Variants in EPB41L3 observed in about 807,000 individuals in gnomAD.
EPB41L3 encodes band 4.1-like protein 3.
A neutral mutation model predicts 127.1 loss-of-function variants in EPB41L3; 57 were observed. The ratio of observed to expected loss-of-function variants is 0.45; its 90% CI spans 0.36 to 0.56. EPB41L3 has a LOEUF of 0.56. EPB41L3 is among the 20% of genes least tolerant of loss of function. The pLI is 0.00. For synonymous variants in EPB41L3, 572 were observed against 549.5 expected, an observed-to-expected ratio of 1.04 and a Z score of -0.57; for missense variants, 1,273 against 1,372.2, an observed-to-expected ratio of 0.93 and a Z score of 1.14.
chr18:5,505,283 G>A (rs1383337288), intron 1 of EPB41L3, among the ~76,000 whole-genome samples: 2 of 152,066 alleles, frequency 1.3e-5, no homozygotes, highest in Non-Finnish European at 2.9e-5. Context: ...AGAGTCTGAC[G>A]CCAAAGAAAA....
intron 1 of EPB41L3, among the ~76,000 whole-genome samples, chr18:5,628,010 C>A (rs557052087): frequency 2.0e-5 from 3 of 152,188 alleles, no homozygotes; most frequent in Non-Finnish European, 4.4e-5. Context: ...AAGACGGAGA[C>A]TCCCAAGGTC....
upstream of EPB41L3, chr18:5,630,585 C>T: frequency 2.0e-6 from 1 of 503,042 alleles, no homozygotes; most frequent in South Asian, 1.4e-5. Context: ...CTGGAAGGGG[C>T]CGCCAGACCC....
In EPB41L3 at chr18:5,408,335, G is replaced by A. The variant is rs549502423; in HGVS notation, c.2122-599C>T. Among the ~76,000 whole-genome samples the A allele has an allele frequency of 4.0e-5, 6 of 148,484 alleles. 1 individual carries two copies. In the South Asian group the frequency reaches 8.5e-4, roughly 21 times the overall value. On this transcript the variant is annotated intron_variant, in intron 14 of 22. Coordinates refer to ENST00000341928, the MANE Select transcript of EPB41L3 (RefSeq NM_012307.5). ...GTTGTCCAGGCTGGAGTGCAATGGCGTGATCTCGGCTCACTGCAACCTCCA... is the reference window on the plus strand; with the variant it reads ...GTTGTCCAGGCTGGAGTGCAATGGCATGATCTCGGCTCACTGCAACCTCCA...
intron 1 of EPB41L3, among the ~76,000 whole-genome samples, chr18:5,515,140 C>A (rs2092700256): frequency 6.6e-6 from 1 of 152,148 alleles, no homozygotes; most frequent in Non-Finnish European, 1.5e-5. Flanking sequence ...GTGCCCACAG[C>A]AAACAGCTGT....
At chr18:5,476,289 T>C (rs1012923750) in intron 3 of EPB41L3, among the ~76,000 whole-genome samples, 44 of 152,278 alleles carry the variant, frequency 2.9e-4, no homozygotes, top group African/African-American at 9.4e-4. Context: ...CAGAAAAAAG[T>C]TGCTCTTAAG....
In EPB41L3 at chr18:5,543,656, G is replaced by C. The variant is rs1251268005; in HGVS notation, c.-12+257C>G. 6.8e-6 allele frequency among the ~76,000 whole-genome samples: 1 copy of C among 146,960 alleles called. No homozygotes were observed. Among genetic ancestry groups the C allele is most frequent in the Non-Finnish European group, 1.5e-5 (1 of 66,030 alleles). On this transcript the variant is annotated intron_variant, in intron 1 of 22. Coordinates refer to ENST00000341928, the MANE Select transcript of EPB41L3 (RefSeq NM_012307.5). The surrounding 1 kb of genome is among the most constrained non-coding windows in gnomAD (Gnocchi z 5.2). The stretch of plus-strand genomic sequence containing the variant: ...TCTGCGCGCCGGCCCAGCCACTACT[G>C]CGCCGCGGCGGGCGGAGCGGGCGGG...
At chr18:5,462,341 T>C (rs1236419166) in intron 3 of EPB41L3, among the ~76,000 whole-genome samples, 1 of 152,164 alleles carries the variant, frequency 6.6e-6, no homozygotes, top group African/African-American at 2.4e-5. Context: ...AAAGGAGAAC[T>C]GGCAATGAAC....
At chr18:5,526,937 T>G (rs1330193900) in intron 1 of EPB41L3, among the ~76,000 whole-genome samples, 1 of 151,104 alleles carries the variant, frequency 6.6e-6, no homozygotes, top group Admixed American at 6.6e-5. Context: ...TTCCCAGCAC[T>G]GAATAGAGAC....
intron 3 of EPB41L3, among the ~76,000 whole-genome samples, chr18:5,549,781 C>A: frequency 6.6e-6 from 1 of 152,070 alleles, no homozygotes; most frequent in East Asian, 1.9e-4. Flanking sequence ...GGCGACCAGT[C>A]CATACCAAAA....
chr18:5,424,597 G>A (rs1471228406), intron 9 of EPB41L3, among the ~76,000 whole-genome samples: 1 of 152,176 alleles, frequency 6.6e-6, no homozygotes, highest in Admixed American at 6.5e-5. Context: ...TTCTGAATAA[G>A]TGTGTATCTT....
chr18:5,406,755 G>T, intron 16 of EPB41L3, 22 bp downstream of exon 16: 1 of 1,602,290 alleles, frequency 6.2e-7, no homozygotes, highest in South Asian at 1.1e-5. Flanking sequence ...ATACGAGTCT[G>T]ACCACAAACC....
rs117196351 is a variant in EPB41L3, at chr18:5,468,592, G to A, written c.381+9649C>T. On this transcript the variant is annotated intron_variant, in intron 3 of 22. Transcript: ENST00000341928. ...GCACACTCGACAGGATGACCGGCCT[G>A]CAGACAGGAGCTACCCACTCCAGGA... Among the ~76,000 whole-genome samples the A allele has an allele frequency of 4.9e-3, 741 of 152,322 alleles. 2 individuals are homozygous for A. Among genetic ancestry groups the A allele is most frequent in the Non-Finnish European group, 8.0e-3 (545 of 68,030 alleles).
At chr18:5,530,969 C>A (rs78226868) in intron 1 of EPB41L3, among the ~76,000 whole-genome samples, 2 of 152,200 alleles carry the variant, frequency 1.3e-5, no homozygotes. Context: ...GTTAGGCAGA[C>A]GGACGGAGGC....
chr18:5,596,082 C>T (rs1324217145), intron 3 of EPB41L3, among the ~76,000 whole-genome samples: 5 of 152,274 alleles, frequency 3.3e-5, no homozygotes, highest in African/African-American at 9.6e-5. Flanking sequence ...ATGGAATGAG[C>T]CACCTCACAT....
intron 3 of EPB41L3, among the ~76,000 whole-genome samples, chr18:5,598,910 G>A (rs570645420): frequency 4.8e-4 from 73 of 152,254 alleles, no homozygotes; most frequent in African/African-American, 1.7e-3. Context: ...TTGAGGACAC[G>A]GACAGCATCA....
At chr18:5,523,989 A>T (rs941992565) in intron 1 of EPB41L3, among the ~76,000 whole-genome samples, 2 of 152,126 alleles carry the variant, frequency 1.3e-5, no homozygotes, top group Non-Finnish European at 1.5e-5. Context: ...TTATATATAC[A>T]TATATATGTG....
At chr18:5,522,817 T>C (rs2093049994) in intron 1 of EPB41L3, among the ~76,000 whole-genome samples, 1 of 152,234 alleles carries the variant, frequency 6.6e-6, no homozygotes, top group Non-Finnish European at 1.5e-5. Flanking sequence ...TTTTTAATTG[T>C]ACTACAATGC....
chr18:5,400,106 G>C (rs977846812), intron 16 of EPB41L3: 5 of 157,606 alleles, frequency 3.2e-5, no homozygotes, highest in African/African-American at 1.2e-4. Context: ...GCCTCCCCAG[G>C]AGCTGGGACT....
intron 16 of EPB41L3, chr18:5,401,000 T>A (rs962907459): frequency 6.5e-7 from 1 of 1,534,418 alleles, no homozygotes; most frequent in Non-Finnish European, 8.7e-7. Context: ...GCTTCCTTGC[T>A]GCAAAAATAT....
Sources: allele counts gnomAD v4.1 joint callset (sites outside exome capture counted in the v4.1 genomes callset), GRCh38; gene constraint gnomAD v4.1.1; non-coding constraint Gnocchi (gnomAD v3.1); transcripts MANE v1.5; gene names NCBI Gene and HGNC (gene_info 2026-07-23, HGNC 2026-07-21).